The following SLC25A16 variants were observed in gnomAD, a reference collection of about 807,000 sequenced individuals.
SLC25A16 encodes solute carrier family 25 member 16.
SLC25A16 carries 39 observed loss-of-function variants against 41.5 expected under a neutral mutation model. The observed-to-expected ratio is 0.94, with a 90% CI of 0.73 to 1.23. SLC25A16 has a LOEUF of 1.23. SLC25A16 is among the 50% of genes most tolerant of loss of function. The probability of loss-of-function intolerance (pLI) is 0.00; values close to 1 mark genes in which losing one functional copy is unlikely to be tolerated. For missense variants in SLC25A16, 421 were observed against 426.9 expected, an observed-to-expected ratio of 0.99 and a Z score of 0.12; for synonymous variants, 146 against 147.8, an observed-to-expected ratio of 0.99 and a Z score of 0.09.
chr10:68,483,366 C>T lies in SLC25A16; in HGVS notation c.*66G>A. The stretch of plus-strand genomic sequence containing the variant: ...CCCCATTCAAGTAATGTTCCCCCCA[C>T]AATTATAGTAATGTTTCATTTCTCC... On this transcript the variant is annotated 3_prime_UTR_variant, in exon 9 of 9. Transcript: ENST00000609923. The T allele has an allele frequency of 9.3e-7, 1 of 1,072,256 alleles. No individual in the cohort carries two copies. The highest frequency in any genetic ancestry group is 1.3e-6 in the Non-Finnish European group (1 of 741,318). The allele number at this position is 1,072,256 out of a possible 1,614,324, so 66.4% of individuals were successfully genotyped here.
chr10:68,491,616 C>T (rs1456557298), intron 6 of SLC25A16, among the ~76,000 whole-genome samples: 1 of 152,158 alleles, frequency 6.6e-6, no homozygotes, highest in Non-Finnish European at 1.5e-5. Context: ...GAAGCTCCTA[C>T]ACTAGGCCCT....
rs2052573084 is a variant in SLC25A16, at chr10:68,486,928, GCCCGGGTGACAGAGTAAGA to G, written c.842+197_842+215del. ...GCCAAGACCATGCCACTGCACTCCA[GCCCGGGTGACAGAGTAAGA>G]CTGCATCTCAAAAAAAAAAAAAAAA... On this transcript the variant is annotated intron_variant, in intron 8 of 8. Coordinates refer to ENST00000609923, the MANE Select transcript of SLC25A16 (RefSeq NM_152707.4). 1.9e-5 allele frequency: 6 copies of G among 315,344 alleles called. 1 individual carries two copies. In the South Asian group the frequency reaches 2.4e-4, roughly 13 times the overall value. The allele number at this position is 315,344 out of a possible 1,614,324, so 19.5% of individuals were successfully genotyped here.
In SLC25A16 at chr10:68,478,469, C is replaced by A. The variant is rs900609708; in HGVS notation, c.*4963G>T. On this transcript the variant is annotated 3_prime_UTR_variant, in exon 9 of 9. Coordinates refer to ENST00000609923, the MANE Select transcript of SLC25A16 (RefSeq NM_152707.4). ...ATTGATCCAACTCTGCAAGGCAACCCATTAATTGTACATAGTTTGGGAATA... is the reference window on the plus strand; with the variant it reads ...ATTGATCCAACTCTGCAAGGCAACCAATTAATTGTACATAGTTTGGGAATA... 3 of 152,038 alleles carry A rather than the reference C, an allele frequency of 2.0e-5. No homozygotes were observed. The highest frequency in any genetic ancestry group is 4.4e-5 in the Non-Finnish European group (3 of 68,010). 9.4% of individuals were successfully genotyped at this position (152,038 alleles called of 1,614,324 possible).
rs1253846048 is a variant in SLC25A16, at chr10:68,478,637, C to A, written c.*4795G>T. On this transcript the variant is annotated 3_prime_UTR_variant, in exon 9 of 9. Transcript: ENST00000609923. ...CAAGTGATCCTCCTCGCTCAGCCTC[C>A]CAAAGGGCTAGAATTACAGACATGA... 6.6e-6 allele frequency: 1 copy of A among 151,694 alleles called. No individual in the cohort carries two copies. Among genetic ancestry groups the A allele is most frequent in the Non-Finnish European group, 1.5e-5 (1 of 67,956 alleles). The allele number at this position is 151,694 out of a possible 1,614,324, so 9.4% of individuals were successfully genotyped here. A position where few individuals can be genotyped will look rare whatever the true frequency, so the allele number is the denominator to read the frequency against.
intron 4 of SLC25A16, among the ~76,000 whole-genome samples, chr10:68,500,400 C>T (rs971533654): frequency 2.6e-5 from 4 of 152,046 alleles, no homozygotes; most frequent in Admixed American, 1.3e-4. Flanking sequence ...CTCCACCTCC[C>T]AGGTTCAAGC....
In SLC25A16 at chr10:68,487,202, C is replaced by T; in HGVS notation, c.784G>A (p.Asp262Asn). ...AATTGCATTCGCCGACGAGTCACAT[C>T]AAATGGGTAGCTAAAAGAAGAAAAA... ...AIAQTISYPF[D>N]VTRRRMQLGT... Residue 262 changes from aspartate to asparagine, a missense_variant, in exon 8 of 9, where the codon GAT becomes AAT. By Grantham distance (23) the Asp-to-Asn change is conservative. Transcript: ENST00000609923. 1 of 1,613,410 alleles carries T rather than the reference C, an allele frequency of 6.2e-7. No individual in the cohort carries two copies. Among genetic ancestry groups the T allele is most frequent in the Non-Finnish European group, 8.5e-7 (1 of 1,179,756 alleles).
chr10:68,485,147 T>C (rs913062680), intron 8 of SLC25A16, among the ~76,000 whole-genome samples: 1 of 152,256 alleles, frequency 6.6e-6, no homozygotes. Flanking sequence ...TGGAGTGCAG[T>C]AGCACGATCT....
At chr10:68,509,752 T>TATATATATATAG (rs1383504437) in intron 2 of SLC25A16, among the ~76,000 whole-genome samples, 1 of 140,214 alleles carries the variant, frequency 7.1e-6, no homozygotes, top group Non-Finnish European at 1.5e-5. Flanking sequence ...TCTATATATA[T>TATATATATATAG]AGATATATAG....
rs2053231877 is a variant in SLC25A16, at chr10:68,520,450, AGGATCACTTGAG to A, written c.131-3619_131-3608del. On this transcript the variant is annotated intron_variant, in intron 1 of 8. Coordinates refer to ENST00000609923, the MANE Select transcript of SLC25A16 (RefSeq NM_152707.4). ...CAGCATTTTGGGAGGCCTAGGTGGG[AGGATCACTTGAG>A]GTCAGGATTTCAAGACCAGCCTGGC... Among the ~76,000 whole-genome samples, 5 of 151,612 alleles carry A rather than the reference AGGATCACTTGAG, an allele frequency of 3.3e-5. No homozygotes were observed. In the South Asian group the frequency reaches 8.4e-4, roughly 25 times the overall value.
At chr10:68,497,111 C>T (rs1254034648) in intron 4 of SLC25A16, among the ~76,000 whole-genome samples, 2 of 152,228 alleles carry the variant, frequency 1.3e-5, no homozygotes, top group South Asian at 2.1e-4. Context: ...CATCCTCTCC[C>T]GCAACTTCTC....
At chr10:68,487,041 A>C in intron 8 of SLC25A16, 103 bp downstream of exon 8, 1 of 792,264 alleles carries the variant, frequency 1.3e-6, no homozygotes, top group Non-Finnish European at 2.1e-6. Flanking sequence ...CGGGAGATAA[A>C]ACGGAAGATA....
At chr10:68,497,299 C>T (rs546682166) in intron 4 of SLC25A16, among the ~76,000 whole-genome samples, 14 of 152,272 alleles carry the variant, frequency 9.2e-5, no homozygotes, top group Admixed American at 4.6e-4. Flanking sequence ...GGACTCCAAG[C>T]GTCATAGATA....
At chr10:68,494,451 A>G (rs559247632) in intron 4 of SLC25A16, among the ~76,000 whole-genome samples, 2 of 129,802 alleles carry the variant, frequency 1.5e-5, no homozygotes, top group Admixed American at 1.6e-4. Flanking sequence ...ACAGAGTGAG[A>G]TTCCAGGAAA....
At chr10:68,504,369 A>G (rs1438175273) in intron 3 of SLC25A16, among the ~76,000 whole-genome samples, 2 of 150,798 alleles carry the variant, frequency 1.3e-5, no homozygotes, top group Non-Finnish European at 2.9e-5. Context: ...GTCCTGATAC[A>G]CAAATGGCAT....
intron 8 of SLC25A16, among the ~76,000 whole-genome samples, chr10:68,484,248 A>G (rs959572799): frequency 6.6e-6 from 1 of 152,138 alleles, no homozygotes; most frequent in Non-Finnish European, 1.5e-5. Flanking sequence ...ATTATAGCTC[A>G]AGTTGTATAG....
intron 4 of SLC25A16, among the ~76,000 whole-genome samples, chr10:68,495,814 T>C (rs1188053432): frequency 7.0e-6 from 1 of 142,370 alleles, no homozygotes; most frequent in Non-Finnish European, 1.5e-5. Context: ...GAAAAGAGTA[T>C]AAACTGTAGA....
chr10:68,517,017 G>C, intron 1 of SLC25A16, 174 bp from the exon 2 acceptor site: 1 of 1,172,792 alleles, frequency 8.5e-7, no homozygotes, highest in East Asian at 2.8e-5. Flanking sequence ...AACTTAATAA[G>C]TGAGCATGAT....
chr10:68,482,875 T>C lies in SLC25A16; in HGVS notation c.*557A>G, dbSNP rs1265469240. On this transcript the variant is annotated 3_prime_UTR_variant, in exon 9 of 9. Transcript: ENST00000609923. ...TTTGTGTCTCTACATGGCTACCTTT[T>C]AAATACAACATTAATTTTATTTAAA... 1 of 152,166 alleles carries C rather than the reference T, an allele frequency of 6.6e-6. No homozygotes were observed. The highest frequency in any genetic ancestry group is 1.5e-5 in the Non-Finnish European group (1 of 68,040). The allele number at this position is 152,166 out of a possible 1,614,324, so 9.4% of individuals were successfully genotyped here. A position where few individuals can be genotyped will look rare whatever the true frequency, so the allele number is the denominator to read the frequency against.
At chr10:68,500,953 T>C (rs1414829562) in intron 4 of SLC25A16, among the ~76,000 whole-genome samples, 1 of 135,920 alleles carries the variant, frequency 7.4e-6, no homozygotes, top group Admixed American at 7.5e-5. Flanking sequence ...AAAAAGATAA[T>C]TACAAAGTGA....
Sources: allele counts gnomAD v4.1 joint callset (sites outside exome capture counted in the v4.1 genomes callset), GRCh38; gene constraint gnomAD v4.1.1; transcripts MANE v1.5; gene names NCBI Gene and HGNC (gene_info 2026-07-23, HGNC 2026-07-21).